The following SSBP2 variants were observed in gnomAD, a reference collection of about 807,000 sequenced individuals.
SSBP2 encodes single-stranded DNA-binding protein 2.
SSBP2 carries 17 observed loss-of-function variants against 61.8 expected under a neutral mutation model. That is an observed-to-expected ratio of 0.28 (90% CI 0.19 to 0.41). The LOEUF (loss-of-function observed/expected upper bound fraction) is 0.41, where lower values mean the gene tolerates loss of function less well. Among genes scored for constraint, SSBP2 ranks in the 10% least tolerant of loss-of-function variants. SSBP2 has a pLI of 1.00. For missense variants in SSBP2, 310 were observed against 458.7 expected (o/e 0.68, Z 2.96); for synonymous variants, 139 against 141.3 (o/e 0.98, Z 0.12).
chr5:81,532,314 T>C (rs1426415215), intron 4 of SSBP2, among the ~76,000 whole-genome samples: 1 of 152,082 alleles, frequency 6.6e-6, no homozygotes, highest in Non-Finnish European at 1.5e-5. Flanking sequence ...ACTACAAAAT[T>C]CAGTGACTGA....
At chr5:81,647,615 T>C (rs916235144) in intron 2 of SSBP2, among the ~76,000 whole-genome samples, 1 of 152,106 alleles carries the variant, frequency 6.6e-6, no homozygotes. Context: ...CTCCAAAGTC[T>C]AGAAATAATG....
intron 1 of SSBP2, among the ~76,000 whole-genome samples, chr5:81,705,312 T>C (rs939833898): frequency 6.6e-6 from 1 of 152,162 alleles, no homozygotes; most frequent in Non-Finnish European, 1.5e-5. Flanking sequence ...AGCCAATTAA[T>C]AGAGTATAAT....
At chr5:81,428,762 A>C in intron 15 of SSBP2, 79 bp from the exon 16 acceptor site, 1 of 944,738 alleles carries the variant, frequency 1.1e-6, no homozygotes, top group Non-Finnish European at 1.7e-6. Flanking sequence ...CGAATATTGA[A>C]ACAGCATCCC....
intron 1 of SSBP2, among the ~76,000 whole-genome samples, chr5:81,683,135 T>G (rs1257004641): frequency 6.6e-6 from 1 of 152,150 alleles, no homozygotes; most frequent in Non-Finnish European, 1.5e-5. Context: ...ATCCCAGCAA[T>G]TATTTTGTGG....
intron 9 of SSBP2, among the ~76,000 whole-genome samples, chr5:81,464,965 T>C (rs1764789423): frequency 6.6e-6 from 1 of 152,020 alleles, no homozygotes; most frequent in African/African-American, 2.4e-5. Flanking sequence ...ACTTTTTATG[T>C]CTCTAAACAA....
intron 4 of SSBP2, among the ~76,000 whole-genome samples, chr5:81,546,324 T>G (rs1003065247): frequency 2.0e-5 from 3 of 152,214 alleles, no homozygotes; most frequent in African/African-American, 7.2e-5. Flanking sequence ...GATCACTAAT[T>G]TACCTTGCAA....
chr5:81,595,031 T>C (rs1743568582), intron 4 of SSBP2, among the ~76,000 whole-genome samples: 1 of 152,036 alleles, frequency 6.6e-6, no homozygotes, highest in African/African-American at 2.4e-5. Flanking sequence ...AAAAAACCCT[T>C]CAAAAAATTA....
At chr5:81,567,129 T>C (rs1158369773) in intron 4 of SSBP2, among the ~76,000 whole-genome samples, 1 of 152,166 alleles carries the variant, frequency 6.6e-6, no homozygotes, top group Non-Finnish European at 1.5e-5. Flanking sequence ...AGGAGCCAAA[T>C]GTTAATCCCC....
At chr5:81,727,070 G>T (rs537027584) in intron 1 of SSBP2, among the ~76,000 whole-genome samples, 3 of 152,246 alleles carry the variant, frequency 2.0e-5, no homozygotes, top group Admixed American at 2.0e-4. Flanking sequence ...TTTAGGAAGC[G>T]GCAAAATAGA....
At chr5:81,593,589 G>C (rs1025351841) in intron 4 of SSBP2, among the ~76,000 whole-genome samples, 6 of 152,184 alleles carry the variant, frequency 3.9e-5, no homozygotes, top group Non-Finnish European at 8.8e-5. Flanking sequence ...GGCAGCCAGA[G>C]AGAAAGGTTG....
intron 9 of SSBP2, 50 bp downstream of exon 9, chr5:81,466,924 A>G: frequency 1.7e-6 from 2 of 1,144,440 alleles, no homozygotes; most frequent in East Asian, 2.5e-5. Context: ...ATTTATATAT[A>G]TAAAATATCA....
intron 5 of SSBP2, among the ~76,000 whole-genome samples, chr5:81,493,448 C>T (rs969231970): frequency 2.6e-5 from 4 of 151,694 alleles, no homozygotes; most frequent in African/African-American, 9.7e-5. Context: ...CAACACCACA[C>T]CTGGGTATTA....
At chr5:81,587,755 A>ACGCG (rs780681857) in intron 4 of SSBP2, among the ~76,000 whole-genome samples, 3,283 of 137,898 alleles carry the variant, frequency 0.024, 93 homozygotes, top group African/African-American at 0.057. Flanking sequence ...ACGCACACAC[A>ACGCG]CGCGCGCGCA....
intron 14 of SSBP2, among the ~76,000 whole-genome samples, chr5:81,439,990 C>T (rs1312804897): frequency 6.6e-6 from 1 of 151,998 alleles, no homozygotes; most frequent in Non-Finnish European, 1.5e-5. Context: ...TGTTTTCAAC[C>T]ATCAGTCACT....
chr5:81,750,147 C>G (rs1298991101), intron 1 of SSBP2, among the ~76,000 whole-genome samples: 5 of 152,012 alleles, frequency 3.3e-5, no homozygotes, highest in Non-Finnish European at 7.4e-5. Flanking sequence ...CCTCCTCCAG[C>G]GGATCCCGCT....
At chr5:81,633,585 G>A (rs1747934223) in intron 3 of SSBP2, among the ~76,000 whole-genome samples, 1 of 151,868 alleles carries the variant, frequency 6.6e-6, no homozygotes, top group Admixed American at 6.6e-5. Flanking sequence ...TTCTCAGGCT[G>A]GATTCAAACA....
At chr5:81,673,453 A>C (rs1216425036) in intron 1 of SSBP2, among the ~76,000 whole-genome samples, 3 of 152,212 alleles carry the variant, frequency 2.0e-5, no homozygotes, top group Non-Finnish European at 4.4e-5. Context: ...AATCAAAAAA[A>C]CTTGTAAAGG....
intron 4 of SSBP2, among the ~76,000 whole-genome samples, chr5:81,549,740 A>G (rs1462368772): frequency 6.6e-6 from 1 of 152,186 alleles, no homozygotes; most frequent in Non-Finnish European, 1.5e-5. Context: ...GAAATGATTG[A>G]TGGATAAAAA....
intron 2 of SSBP2, among the ~76,000 whole-genome samples, chr5:81,644,398 T>C (rs537569657): frequency 1.4e-4 from 22 of 152,282 alleles, no homozygotes; most frequent in African/African-American, 5.3e-4. Flanking sequence ...GCTCATGGTC[T>C]CTTAGGAAGA....
Sources: allele counts gnomAD v4.1 joint callset (sites outside exome capture counted in the v4.1 genomes callset), GRCh38; gene constraint gnomAD v4.1.1; transcripts MANE v1.5; gene names NCBI Gene and HGNC (gene_info 2026-07-23, HGNC 2026-07-21).